GALNT15: variants seen among roughly 807,000 people sequenced by gnomAD.
GALNT15 encodes polypeptide N-acetylgalactosaminyltransferase 15.
Under a neutral mutation model 66.8 loss-of-function variants are expected in GALNT15, and 67 were observed. That is an observed-to-expected ratio of 1.00 (90% CI 0.82 to 1.23). The LOEUF is 1.23. Among genes scored for constraint, GALNT15 ranks in the 50% most tolerant of loss-of-function variants. The pLI is 0.00. For synonymous variants in GALNT15, 313 were observed against 311.5 expected (o/e 1.00, Z -0.05); for missense variants, 827 against 804.3 (o/e 1.03, Z -0.34).
the GALNT15 span, among the ~76,000 whole-genome samples, chr3:16,244,569 C>T: frequency 6.6e-6 from 1 of 152,234 alleles, no homozygotes; most frequent in Admixed American, 6.5e-5. Flanking sequence ...GAAGTCAGCA[C>T]AGTTGGGGTA....
chr3:16,220,857 C>CT (rs549613860), intron 8 of GALNT15, among the ~76,000 whole-genome samples: 129 of 152,304 alleles, frequency 8.5e-4, no homozygotes, highest in Admixed American at 6.7e-3. Context: ...GGCTGTGGGC[C>CT]TATAGGACAT....
chr3:16,248,056 A>G, the GALNT15 span, among the ~76,000 whole-genome samples: 1 of 151,730 alleles, frequency 6.6e-6, no homozygotes, highest in Non-Finnish European at 1.5e-5. The surrounding 1 kb of genome is among the most constrained non-coding windows in gnomAD (Gnocchi z 4.9). Context: ...GTCGTTTTTG[A>G]AGAGGGGCGG....
At chr3:16,192,072 C>A (rs151222529) in intron 1 of GALNT15, among the ~76,000 whole-genome samples, 83 of 152,280 alleles carry the variant, frequency 5.5e-4, no homozygotes, top group African/African-American at 2.0e-3. Context: ...AAACTGATAC[C>A]TATAAATATT....
intron 3 of GALNT15, among the ~76,000 whole-genome samples, chr3:16,205,654 A>G (rs2063748684): frequency 6.6e-6 from 1 of 152,248 alleles, no homozygotes; most frequent in Non-Finnish European, 1.5e-5. Context: ...CACCAGACAC[A>G]TCGGTAGGTA....
chr3:16,196,186 C>G (rs2063634506), intron 2 of GALNT15, among the ~76,000 whole-genome samples: 1 of 152,128 alleles, frequency 6.6e-6, no homozygotes, highest in Admixed American at 6.5e-5. Context: ...AGGGGTGTCG[C>G]CTCAGCCTGA....
rs112979192 is a variant in GALNT15, at chr3:16,229,234, C to A, written c.*1734C>A. On this transcript the variant is annotated 3_prime_UTR_variant, in exon 10 of 10. Transcript: ENST00000339732. ...GTCTACCTGCTAAGTCAAGGGTTCA[C>A]TGCATTTCTCCTTCCTCAGAATACA... 6.0e-3 allele frequency: 5,916 copies of A among 985,300 alleles called. 17 individuals are homozygous for A. The highest frequency in any genetic ancestry group is 0.011 in the Admixed American group (177 of 16,284). 61.0% of individuals were successfully genotyped at this position (985,300 alleles called of 1,614,324 possible). A position where few individuals can be genotyped will look rare whatever the true frequency, so the allele number is the denominator to read the frequency against.
chr3:16,178,647 C>T (rs2063438157), intron 1 of GALNT15, among the ~76,000 whole-genome samples: 2 of 152,140 alleles, frequency 1.3e-5, no homozygotes. Flanking sequence ...ACAAGAGAGT[C>T]CCTGCAAAGC....
intron 3 of GALNT15, among the ~76,000 whole-genome samples, chr3:16,206,833 A>T (rs1312649687): frequency 6.6e-6 from 1 of 152,166 alleles, no homozygotes; most frequent in East Asian, 1.9e-4. Context: ...TCAGCCACAC[A>T]GTTCCCTGGC....
intron 6 of GALNT15, among the ~76,000 whole-genome samples, chr3:16,217,729 T>G (rs1248781833): frequency 6.6e-6 from 1 of 152,110 alleles, no homozygotes; most frequent in African/African-American, 2.4e-5. Flanking sequence ...AAACAAAGAT[T>G]GGGTAGATTT....
Position 16,195,689 on chromosome 3 carries a change from C to T in GALNT15, c.540-71C>T, listed in dbSNP as rs1350090968. On this transcript the variant is annotated intron_variant, in intron 1 of 9. Transcript: ENST00000339732. The surrounding 1 kb of genome is among the most constrained non-coding windows in gnomAD (Gnocchi z 4.6). ...GCAGCTCCAGCCAGAGCAAAGGAAG[C>T]GAGTTAGAGGGTGTGGAGTGTTTCT... is the stretch of plus-strand genomic sequence containing the variant. 1.2e-5 allele frequency: 16 copies of T among 1,385,090 alleles called. No homozygotes were observed. Among genetic ancestry groups the T allele is most frequent in the South Asian group, 8.2e-5 (6 of 73,020 alleles). The allele number at this position is 1,385,090 out of a possible 1,614,324, so 85.8% of individuals were successfully genotyped here.
rs548037930 is a variant in GALNT15, at chr3:16,200,040, T to C, written c.707-579T>C. On this transcript the variant is annotated intron_variant, in intron 2 of 9. Coordinates refer to ENST00000339732, the MANE Select transcript of GALNT15 (RefSeq NM_054110.5). This position sits in a 1 kb window ranked among gnomAD's most constrained non-coding sequence, Gnocchi z 4.4. The stretch of plus-strand genomic sequence containing the variant: ...GGTTTAATTGACTCACAGTTTCGCA[T>C]GGCTGGGGAGGCCTCAGGAAACTTA... Among the ~76,000 whole-genome samples the C allele has an allele frequency of 4.6e-5, 7 of 152,268 alleles. No individual in the cohort carries two copies. Among genetic ancestry groups the C allele is most frequent in the African/African-American group, 1.7e-4 (7 of 41,542 alleles).
rs1451681332 is a variant in GALNT15, at chr3:16,189,730, T to C, written c.540-6030T>C. ...AGCTAGCATTTTGGGGCTCTTACTA[T>C]GCATAAGTACTTCAAATGTATTAGC... On this transcript the variant is annotated intron_variant, in intron 1 of 9. Transcript: ENST00000339732. This position sits in a 1 kb window ranked among gnomAD's most constrained non-coding sequence, Gnocchi z 5.1. Among the ~76,000 whole-genome samples, 3 of 152,248 alleles carry C rather than the reference T, an allele frequency of 2.0e-5. No individual in the cohort carries two copies. The highest frequency in any genetic ancestry group is 7.2e-5 in the African/African-American group (3 of 41,476).
Position 16,184,711 on chromosome 3 carries a change from C to T in GALNT15, c.539+9021C>T, listed in dbSNP as rs1472934403. Reference sequence around the variant, plus strand: ...ATTTTGCCGGTTATCCCAAGAAGCACGGGTAGGGGCTCAGGAAAGCGGAGC... The same window carrying T: ...ATTTTGCCGGTTATCCCAAGAAGCATGGGTAGGGGCTCAGGAAAGCGGAGC... On this transcript the variant is annotated intron_variant, in intron 1 of 9. Coordinates refer to ENST00000339732, the MANE Select transcript of GALNT15 (RefSeq NM_054110.5). The surrounding 1 kb of genome is among the most constrained non-coding windows in gnomAD (Gnocchi z 5.0). Among the ~76,000 whole-genome samples the T allele has an allele frequency of 5.9e-5, 9 of 152,272 alleles. No individual in the cohort carries two copies. Among genetic ancestry groups the T allele is most frequent in the African/African-American group, 2.2e-4 (9 of 41,542 alleles).
chr3:16,234,860 G>A (rs1304613059), downstream of GALNT15, among the ~76,000 whole-genome samples: 1 of 151,444 alleles, frequency 6.6e-6, no homozygotes, highest in Non-Finnish European at 1.5e-5. Context: ...TGGGCTTCTA[G>A]GCAGCTGTGC....
downstream of GALNT15, among the ~76,000 whole-genome samples, chr3:16,232,483 T>G (rs1372042429): frequency 2.8e-5 from 2 of 71,420 alleles, no homozygotes; most frequent in Admixed American, 1.3e-4. Flanking sequence ...TATATATATA[T>G]ATATATATAT....
chr3:16,213,488 C>A (rs551950862), intron 6 of GALNT15, among the ~76,000 whole-genome samples: 1 of 142,968 alleles, frequency 7.0e-6, no homozygotes, highest in South Asian at 2.2e-4. Flanking sequence ...TCCAAAAAAG[C>A]CACAGAAAAA....
At chr3:16,230,469 A>G (rs918347966), downstream of GALNT15, among the ~76,000 whole-genome samples, 1 of 152,182 alleles carries the variant, frequency 6.6e-6, no homozygotes, top group Non-Finnish European at 1.5e-5. The surrounding 1 kb of genome is among the most constrained non-coding windows in gnomAD (Gnocchi z 4.5). Context: ...AGGGGGTTCT[A>G]TTCTCTACTG....
At position 16,227,496 on chromosome 3, in the gene GALNT15, G is replaced by A. The variant is rs140214513; in HGVS notation, c.1916G>A (p.Arg639Gln). 2.5e-6 allele frequency: 4 copies of A among 1,614,020 alleles called. No individual in the cohort carries two copies. In the African/African-American group the frequency reaches 4.0e-5, roughly 16 times the overall value. The part of the protein sequence containing the change: ...RFDQINAVDE[R>Q] Reference sequence around the variant, plus strand: ...GACCAGATCAATGCTGTGGATGAACGATGAATGTCAATGTCAGAAGGAAAA... The same window carrying A: ...GACCAGATCAATGCTGTGGATGAACAATGAATGTCAATGTCAGAAGGAAAA... The change falls in exon 10 of 10, where the codon CGA becomes CAA. Residue 639 changes from arginine (R) to glutamine (Q), a missense_variant. Physicochemically the swap from Arg to Gln is conservative, Grantham distance 43. Coordinates refer to ENST00000339732, the MANE Select transcript of GALNT15 (RefSeq NM_054110.5). The surrounding 1 kb of genome is among the most constrained non-coding windows in gnomAD (Gnocchi z 4.5).
At position 16,193,972 on chromosome 3, in the gene GALNT15, A is replaced by G. The variant is rs1294536487; in HGVS notation, c.540-1788A>G. ...GGACCCACTGATTCTCAACAGACCC[A>G]AAGCAAGGCAAACACCAAGCACCCT... On this transcript the variant is annotated intron_variant, in intron 1 of 9. Coordinates refer to ENST00000339732, the MANE Select transcript of GALNT15 (RefSeq NM_054110.5). This position sits in a 1 kb window ranked among gnomAD's most constrained non-coding sequence, Gnocchi z 4.7. Among the ~76,000 whole-genome samples, 2 of 152,230 alleles carry G rather than the reference A, an allele frequency of 1.3e-5. No homozygotes were observed. Among genetic ancestry groups the G allele is most frequent in the African/African-American group, 4.8e-5 (2 of 41,468 alleles).
Sources: gnomAD v4.1 joint callset for allele counts (sites outside exome capture counted in the v4.1 genomes callset) on GRCh38, gnomAD v4.1.1 for gene constraint, Gnocchi (gnomAD v3.1) non-coding constraint, MANE v1.5 for transcripts, NCBI Gene and HGNC (gene_info 2026-07-23, HGNC 2026-07-21) for gene names.